NDUFS1: variants seen among roughly 807,000 people sequenced by gnomAD.
The protein encoded by NDUFS1 is NADH-ubiquinone oxidoreductase 75 kDa subunit, mitochondrial.
In NDUFS1, 61 loss-of-function variants were observed where a neutral mutation model predicts 84.4. That is an observed-to-expected ratio of 0.72 (90% confidence interval 0.59 to 0.89). The LOEUF is 0.89. NDUFS1 is among the 40% of genes least tolerant of loss of function. The probability of loss-of-function intolerance (pLI) is 0.00; values close to 1 mark genes in which losing one functional copy is unlikely to be tolerated. For synonymous variants in NDUFS1, 275 were observed against 290.0 expected, an observed-to-expected ratio of 0.95 and a Z score of 0.53; for missense variants, 891 against 890.0, an observed-to-expected ratio of 1.00 and a Z score of -0.01.
At chr2:206,131,008 A>C (rs1400161461) in intron 14 of NDUFS1, among the ~76,000 whole-genome samples, 1 of 152,210 alleles carries the variant, frequency 6.6e-6, no homozygotes, top group East Asian at 1.9e-4. Context: ...TTTTCTACGA[A>C]TATATATTAC....
At chr2:206,149,759 G>T in intron 4 of NDUFS1, 59 bp downstream of exon 4, 1 of 1,262,342 alleles carries the variant, frequency 7.9e-7, no homozygotes, top group Non-Finnish European at 1.2e-6. Context: ...AAAGTTTGCT[G>T]CAAGATTTAA....
Position 206,142,027 on chromosome 2 carries a change from A to C in NDUFS1, c.1176T>G (p.Ala392=). 6.2e-7 allele frequency: 1 copy of C among 1,606,676 alleles called. No homozygotes were observed. Among genetic ancestry groups the C allele is most frequent in the Non-Finnish European group, 8.5e-7 (1 of 1,173,210 alleles). Residue 392 remains alanine (A), a synonymous_variant, in exon 12 of 19, where the codon GCT becomes GCG. Transcript: ENST00000233190. ...GAACAACATCTGCCTCTTCCACACC[A>C]GCAATTGTAGTATTAAGAAGATAAT... The part of the protein sequence containing the change: ...RSNYLLNTTI[A]GVEEADVVLL...
At chr2:206,136,998 C>G (rs534346816) in intron 13 of NDUFS1, among the ~76,000 whole-genome samples, 1 of 149,134 alleles carries the variant, frequency 6.7e-6, no homozygotes, top group South Asian at 2.1e-4. Context: ...GGTGATCCAC[C>G]CACCTCAGCC....
At chr2:206,150,632 C>T (rs977844067) in intron 3 of NDUFS1, among the ~76,000 whole-genome samples, 1 of 152,190 alleles carries the variant, frequency 6.6e-6, no homozygotes, top group Non-Finnish European at 1.5e-5. Flanking sequence ...GTGAAAAAGA[C>T]AGATAGTGTC....
chr2:206,115,215 A>T lies in NDUFS1; in HGVS notation c.*8970T>A, dbSNP rs182882261. On this transcript the variant is annotated 3_prime_UTR_variant, in exon 19 of 19. Coordinates refer to ENST00000233190, the MANE Select transcript of NDUFS1 (RefSeq NM_005006.7). ...TTAAGACTTTTTAGGGGCTATTGGG[A>T]TGGAATGAATTTATTTTGCATGTGA... 1.9e-3 allele frequency: 284 copies of T among 152,398 alleles called. No individual in the cohort carries two copies. Among genetic ancestry groups the T allele is most frequent in the African/African-American group, 6.6e-3 (276 of 41,578 alleles). The allele number at this position is 152,398 out of a possible 1,614,324, so 9.4% of individuals were successfully genotyped here.
intron 8 of NDUFS1, among the ~76,000 whole-genome samples, chr2:206,146,335 A>G (rs529031225): frequency 6.6e-6 from 1 of 152,396 alleles, no homozygotes; most frequent in East Asian, 1.9e-4. Context: ...GAAATTACAC[A>G]GAAACAAAAA....
intron 1 of NDUFS1, among the ~76,000 whole-genome samples, chr2:206,158,223 A>T (rs1224387180): frequency 2.0e-5 from 3 of 152,014 alleles, no homozygotes; most frequent in African/African-American, 7.2e-5. Flanking sequence ...CGGCCTCCCA[A>T]AGTGGTGGGA....
rs1691087693 is a variant in NDUFS1 at position 206,121,280 on chromosome 2, G to C, written c.*2905C>G. ...TAGAATGTCATGATTCCACCAGACA[G>C]GTTACTCTCATCTACGTGTATTTTT... On this transcript the variant is annotated 3_prime_UTR_variant, in exon 19 of 19. Transcript: ENST00000233190. The C allele has an allele frequency of 6.6e-6, 1 of 152,110 alleles. No homozygotes were observed. The highest frequency in any genetic ancestry group is 1.9e-4 in the East Asian group (1 of 5,190). The allele number at this position is 152,110 out of a possible 1,614,324, so 9.4% of individuals were successfully genotyped here. A position where few individuals can be genotyped will look rare whatever the true frequency, so the allele number is the denominator to read the frequency against.
chr2:206,142,797 AT>A lies in NDUFS1; in HGVS notation c.1021del (p.Ile341LeufsTer12). 1 of 1,614,230 alleles carries A rather than the reference AT, an allele frequency of 6.2e-7. No individual in the cohort carries two copies. The highest frequency in any genetic ancestry group is 8.5e-7 in the Non-Finnish European group (1 of 1,180,040). ...TTCAGCATCCACCAAGCCACCTGCA[AT>A]TGCTGCCACATCTTTGCCTTGAAAA... ...QSFQGKDVAA[I>X]AGGLVDAEAL... On this transcript the variant is annotated frameshift_variant, in exon 11 of 19. Coordinates refer to ENST00000233190, the MANE Select transcript of NDUFS1 (RefSeq NM_005006.7). LOFTEE classifies it high-confidence loss of function.
rs1013800397 is a variant in NDUFS1 at position 206,133,252 on chromosome 2, A to G, written c.1393-147T>C. On this transcript the variant is annotated intron_variant, in intron 13 of 18. Coordinates refer to ENST00000233190, the MANE Select transcript of NDUFS1 (RefSeq NM_005006.7). ...TTGTTAGCCCAACATACAGACACACATATACAACCAGATTTAGTTTAATCC... is the reference window on the plus strand; with the variant it reads ...TTGTTAGCCCAACATACAGACACACGTATACAACCAGATTTAGTTTAATCC... The G allele has an allele frequency of 3.1e-5, 20 of 648,790 alleles. No homozygotes were observed. In the African/African-American group the frequency reaches 3.5e-4, roughly 11 times the overall value. 40.2% of individuals were successfully genotyped at this position (648,790 alleles called of 1,614,324 possible).
rs958426888 is a variant in NDUFS1, at chr2:206,142,725, G to A, written c.1094C>T (p.Thr365Ile). ...KDLLNRVDSD[T>I]LCTEEVFPTA... The stretch of plus-strand genomic sequence containing the variant: ...GGGGAAGACCTCTTCAGTGCATAAG[G>A]TGTCAGAGTCCACTCTATTAAGCAA... The change falls in exon 11 of 19, where the codon ACC becomes ATC. Residue 365 changes from threonine to isoleucine, a missense_variant. Physicochemically the swap from Thr to Ile is moderately conservative, Grantham distance 89. Transcript: ENST00000233190. 2 of 1,614,000 alleles carry A rather than the reference G, an allele frequency of 1.2e-6. No individual in the cohort carries two copies. The highest frequency in any genetic ancestry group is 1.7e-6 in the Non-Finnish European group (2 of 1,180,048).
intron 1 of NDUFS1, among the ~76,000 whole-genome samples, chr2:206,155,591 T>C (rs922300200): frequency 2.6e-5 from 4 of 152,074 alleles, no homozygotes; most frequent in African/African-American, 9.7e-5. Context: ...CAAATTTTTG[T>C]ATTTTTAGTA....
At position 206,136,941 on chromosome 2, in the gene NDUFS1, C is replaced by T. The variant is rs548515310; in HGVS notation, c.1392+1544G>A. Among the ~76,000 whole-genome samples the T allele has an allele frequency of 1.3e-3, 201 of 150,932 alleles. 1 individual carries two copies. The highest frequency in any genetic ancestry group is 5.9e-4 in the Non-Finnish European group (40 of 67,728). ...GCTAATTATGTATTTTTAATAGAGACGGAGTTTCTCCATGTTGGTCAGGCT... is the reference window on the plus strand; with the variant it reads ...GCTAATTATGTATTTTTAATAGAGATGGAGTTTCTCCATGTTGGTCAGGCT... On this transcript the variant is annotated intron_variant, in intron 13 of 18. Transcript: ENST00000233190.
In NDUFS1 at chr2:206,117,687, A is replaced by C. The variant is rs1486358584; in HGVS notation, c.*6498T>G. The C allele has an allele frequency of 1.3e-5, 2 of 152,178 alleles. No homozygotes were observed. Among genetic ancestry groups the C allele is most frequent in the African/African-American group, 4.8e-5 (2 of 41,456 alleles). The allele number at this position is 152,178 out of a possible 1,614,324, so 9.4% of individuals were successfully genotyped here. ...TGGCCTTATGAGAGCCACCGCACCCAGCTGATACTCTGCAAATGTTTAATA... is the reference window on the plus strand; with the variant it reads ...TGGCCTTATGAGAGCCACCGCACCCCGCTGATACTCTGCAAATGTTTAATA... On this transcript the variant is annotated 3_prime_UTR_variant, in exon 19 of 19. Transcript: ENST00000233190.
At chr2:206,131,755 C>T (rs1042454095) in intron 14 of NDUFS1, among the ~76,000 whole-genome samples, 8 of 151,910 alleles carry the variant, frequency 5.3e-5, no homozygotes, top group Admixed American at 2.6e-4. Flanking sequence ...CTGGCTAACA[C>T]GGTGAAACCC....
At chr2:206,138,351 G>C (rs1691802493) in intron 13 of NDUFS1, 134 bp downstream of exon 13, 1 of 933,584 alleles carries the variant, frequency 1.1e-6, no homozygotes, top group Non-Finnish European at 1.6e-6. Context: ...AAAGTGCTGG[G>C]ATTACAGGCG....
rs560328899 is a variant in NDUFS1, at chr2:206,136,781, G to T, written c.1392+1704C>A. ...TTTTTTCTTTTTTTTTTGAGACAGG[G>T]TTTCACTCCTGTTGCCCAGGCTGGA... On this transcript the variant is annotated intron_variant, in intron 13 of 18. Coordinates refer to ENST00000233190, the MANE Select transcript of NDUFS1 (RefSeq NM_005006.7). 4.1e-5 allele frequency among the ~76,000 whole-genome samples: 6 copies of T among 145,250 alleles called. No individual in the cohort carries two copies. The East Asian group carries it at 1.3e-3, about 30-fold the overall frequency.
chr2:206,158,214 G>A (rs1553509223), intron 1 of NDUFS1, among the ~76,000 whole-genome samples: 1 of 151,968 alleles, frequency 6.6e-6, no homozygotes, highest in Non-Finnish European at 1.5e-5. Context: ...CGCCCGCCTC[G>A]GCCTCCCAAA....
chr2:206,158,314 C>A (rs1229025422), intron 1 of NDUFS1, among the ~76,000 whole-genome samples: 1 of 152,170 alleles, frequency 6.6e-6, no homozygotes, highest in African/African-American at 2.4e-5. Flanking sequence ...CACAGCCTCT[C>A]CCCTCTTGCC....
Sources: gnomAD v4.1 joint callset for allele counts (sites outside exome capture counted in the v4.1 genomes callset) on GRCh38, gnomAD v4.1.1 for gene constraint, MANE v1.5 for transcripts, NCBI Gene and HGNC (gene_info 2026-07-23, HGNC 2026-07-21) for gene names.